The following TTC28 variants were observed in gnomAD, a reference collection of about 807,000 sequenced individuals.
The protein encoded by TTC28 is tetratricopeptide repeat protein 28.
TTC28 carries 61 observed loss-of-function variants against 198.0 expected under a neutral mutation model. The observed-to-expected ratio is 0.31, with a 90% CI of 0.25 to 0.38. The LOEUF (loss-of-function observed/expected upper bound fraction) is 0.38, where lower values mean the gene tolerates loss of function less well. TTC28 is among the 10% of genes least tolerant of loss of function. TTC28 has a pLI of 1.00. For synonymous variants in TTC28, 1,171 were observed against 1,297.8 expected (o/e 0.90, Z 2.10); for missense variants, 2,678 against 3,164.0 (o/e 0.85, Z 3.69).
chr22:28,128,468 A>G (rs16986041), intron 6 of TTC28, among the ~76,000 whole-genome samples: 2,133 of 152,336 alleles, frequency 0.014, 68 homozygotes, highest in African/African-American at 0.049. Context: ...GATTAAATGA[A>G]TAAGTAAAGC....
In TTC28 at chr22:28,188,147, A is replaced by C. The variant is rs1027617996; in HGVS notation, c.934-24548T>G. On this transcript the variant is annotated intron_variant, in intron 5 of 22. Coordinates refer to ENST00000397906, the MANE Select transcript of TTC28 (RefSeq NM_001145418.2). Reference sequence around the variant, plus strand: ...CAAGAGACTTCCAGGTAAATAGAGCAAATGGAAACCCCTAGTTTGCAACTT... The same window carrying C: ...CAAGAGACTTCCAGGTAAATAGAGCCAATGGAAACCCCTAGTTTGCAACTT... 2.6e-5 allele frequency among the ~76,000 whole-genome samples: 4 copies of C among 152,346 alleles called. No homozygotes were observed. The South Asian group carries it at 8.3e-4, about 32-fold the overall frequency.
chr22:28,065,359 C>T (rs1940710574), intron 12 of TTC28, among the ~76,000 whole-genome samples: 1 of 152,200 alleles, frequency 6.6e-6, no homozygotes, highest in African/African-American at 2.4e-5. Context: ...TCTTCTTTCT[C>T]CACTGACTTA....
At chr22:28,166,956 T>C (rs1438276514) in intron 5 of TTC28, among the ~76,000 whole-genome samples, 1 of 151,252 alleles carries the variant, frequency 6.6e-6, no homozygotes, top group Non-Finnish European at 1.5e-5. Context: ...GAGAGAAGAA[T>C]CAAATAGATG....
intron 6 of TTC28, among the ~76,000 whole-genome samples, chr22:28,115,105 G>C (rs948713213): frequency 6.6e-5 from 10 of 152,070 alleles, no homozygotes; most frequent in African/African-American, 2.4e-4. Context: ...TAAGTGGCAG[G>C]ATTGTTACTA....
At chr22:28,219,723 AAT>A (rs1927705184) in intron 5 of TTC28, among the ~76,000 whole-genome samples, 1 of 152,228 alleles carries the variant, frequency 6.6e-6, no homozygotes, top group Admixed American at 6.5e-5. Flanking sequence ...TGGGAAAATT[AAT>A]ATGAGAATGA....
chr22:28,339,235 T>C (rs552045848), intron 2 of TTC28, among the ~76,000 whole-genome samples: 1 of 152,202 alleles, frequency 6.6e-6, no homozygotes, highest in Non-Finnish European at 1.5e-5. Context: ...TGTTGCTCCC[T>C]GATCGTTCCT....
At chr22:28,032,228 T>G (rs1284650571) in intron 12 of TTC28, among the ~76,000 whole-genome samples, 1 of 130,898 alleles carries the variant, frequency 7.6e-6, no homozygotes, top group Non-Finnish European at 1.6e-5. Context: ...AAAATATATA[T>G]ATATAAAATA....
At chr22:28,518,983 G>A (rs1416422979) in intron 2 of TTC28, among the ~76,000 whole-genome samples, 1 of 152,100 alleles carries the variant, frequency 6.6e-6, no homozygotes, top group Non-Finnish European at 1.5e-5. Flanking sequence ...TAATTTTTCT[G>A]GACCTCAATT....
At chr22:28,290,649 T>C (rs2064537893) in intron 5 of TTC28, among the ~76,000 whole-genome samples, 1 of 152,184 alleles carries the variant, frequency 6.6e-6, no homozygotes, top group African/African-American at 2.4e-5. Context: ...TGGTCGCTCA[T>C]GCCTATAATC....
At chr22:28,181,571 T>C (rs1294073328) in intron 5 of TTC28, among the ~76,000 whole-genome samples, 2 of 152,208 alleles carry the variant, frequency 1.3e-5, no homozygotes, top group African/African-American at 4.8e-5. Flanking sequence ...CTTGATGCAA[T>C]ACAACAGGCA....
chr22:28,634,221 G>A (rs2146216308), intron 1 of TTC28, among the ~76,000 whole-genome samples: 1 of 152,294 alleles, frequency 6.6e-6, no homozygotes, highest in Non-Finnish European at 1.5e-5. Context: ...CTAAGAAACA[G>A]AAATTTCTGG....
At position 28,673,261 on chromosome 22, in the gene TTC28, C is replaced by T. The variant is rs1227577541; in HGVS notation, c.102+6361G>A. Among the ~76,000 whole-genome samples the T allele has an allele frequency of 2.0e-5, 3 of 152,082 alleles. No individual in the cohort carries two copies. The East Asian group carries it at 5.8e-4, about 29-fold the overall frequency. On this transcript the variant is annotated intron_variant, in intron 1 of 22. Transcript: ENST00000397906. ...TGGTGGCAGGCGCCTGTAGTCCCAG[C>T]TACTTGGGAAACTGAGGCAGGAGAA... is the stretch of plus-strand genomic sequence containing the variant.
intron 2 of TTC28, among the ~76,000 whole-genome samples, chr22:28,451,830 T>G (rs1043130413): frequency 5.9e-5 from 9 of 152,174 alleles, no homozygotes; most frequent in Middle Eastern, 3.2e-3. Context: ...ACAGCTATAG[T>G]GCATGTGTAA....
At chr22:28,181,577 A>C (rs1923700587) in intron 5 of TTC28, among the ~76,000 whole-genome samples, 1 of 152,196 alleles carries the variant, frequency 6.6e-6, no homozygotes, top group Non-Finnish European at 1.5e-5. Context: ...GCAATACAAC[A>C]GGCATCTGTG....
At chr22:28,172,623 G>C (rs1922792144) in intron 5 of TTC28, among the ~76,000 whole-genome samples, 1 of 152,192 alleles carries the variant, frequency 6.6e-6, no homozygotes, top group South Asian at 2.1e-4. Context: ...TCCCCTCTGG[G>C]GTGTGGGAGA....
chr22:28,107,270 G>A lies in TTC28; in HGVS notation c.2575C>T (p.Gln859Ter). The change falls in exon 7 of 23, where the codon CAG (glutamine) becomes TAG (stop). Residue 859 changes from glutamine to a stop codon, truncating the protein, a stop_gained. Transcript: ENST00000397906. LOFTEE classifies it high-confidence loss of function. ...VMEEAIGYFE[Q>*]QLAMLQQLSG... Reference sequence around the variant, plus strand: ...AGCTGCTGCAGCATGGCCAATTGCTGCTCAAAGTAGCCAATGGCTTCTTCC... The same window carrying A: ...AGCTGCTGCAGCATGGCCAATTGCTACTCAAAGTAGCCAATGGCTTCTTCC... The A allele has an allele frequency of 6.4e-7, 1 of 1,551,766 alleles. No individual in the cohort carries two copies. Among genetic ancestry groups the A allele is most frequent in the Non-Finnish European group, 8.7e-7 (1 of 1,147,000 alleles).
rs113955863 is a variant in TTC28, at chr22:28,387,244, C to T, written c.382-80601G>A. ...ACATTTTCTTAATCCAGTCTATCAT[C>T]GTTGGACATTTGGGTTGGTTCCAAG... On this transcript the variant is annotated intron_variant, in intron 2 of 22. Coordinates refer to ENST00000397906, the MANE Select transcript of TTC28 (RefSeq NM_001145418.2). Among the ~76,000 whole-genome samples the T allele has an allele frequency of 6.6e-4, 100 of 152,248 alleles. 2 individuals carry two copies. The highest frequency in any genetic ancestry group is 4.1e-3 in the Admixed American group (63 of 15,288).
intron 6 of TTC28, among the ~76,000 whole-genome samples, chr22:28,154,823 T>C (rs896589469): frequency 3.3e-5 from 5 of 152,244 alleles, no homozygotes; most frequent in African/African-American, 9.6e-5. Flanking sequence ...TAAATATTAG[T>C]ACATGCTGAC....
At chr22:28,603,655 A>G (rs1342032414) in intron 2 of TTC28, among the ~76,000 whole-genome samples, 1 of 152,198 alleles carries the variant, frequency 6.6e-6, no homozygotes, top group African/African-American at 2.4e-5. Context: ...TCGGCTTTCC[A>G]AAACACTGAG....
Sources: allele counts gnomAD v4.1 joint callset (sites outside exome capture counted in the v4.1 genomes callset), GRCh38; gene constraint gnomAD v4.1.1; transcripts MANE v1.5; gene names NCBI Gene and HGNC (gene_info 2026-07-23, HGNC 2026-07-21).